MYH11: variants seen among roughly 807,000 people sequenced by gnomAD.
MYH11 encodes the protein myosin heavy chain 11.
MYH11 carries 80 observed loss-of-function variants against 246.6 expected under a neutral mutation model. The observed-to-expected ratio is 0.32, with a 90% CI of 0.27 to 0.39. MYH11 has a LOEUF of 0.39. Among genes scored for constraint, MYH11 ranks in the 10% least tolerant of loss-of-function variants. The probability of loss-of-function intolerance (pLI) is 1.00; values close to 1 mark genes in which losing one functional copy is unlikely to be tolerated. For missense variants in MYH11, 2,158 were observed against 2,546.8 expected (o/e 0.85, Z 3.29); for synonymous variants, 1,071 against 1,015.5 (o/e 1.05, Z -1.04).
intron 3 of MYH11, among the ~76,000 whole-genome samples, chr16:15,822,141 C>T (rs1378645358): frequency 6.6e-6 from 1 of 152,118 alleles, no homozygotes; most frequent in East Asian, 1.9e-4. Context: ...ATCTTGGGGG[C>T]GGGGTCGTGG....
At chr16:15,838,361 C>A in intron 1 of MYH11, 92 bp from the exon 2 acceptor site, 1 of 985,874 alleles carries the variant, frequency 1.0e-6, no homozygotes, top group South Asian at 1.3e-5. Context: ...GGAACTCGGT[C>A]TGCAGAGACA....
chr16:15,745,760 G>A (rs1014706603), intron 19 of MYH11, among the ~76,000 whole-genome samples: 1 of 151,738 alleles, frequency 6.6e-6, no homozygotes. Flanking sequence ...GCTAATTTTT[G>A]TATTTTTAGT....
chr16:15,774,951 A>G (rs1276585249), intron 8 of MYH11, among the ~76,000 whole-genome samples: 1 of 152,200 alleles, frequency 6.6e-6, no homozygotes, highest in African/African-American at 2.4e-5. Flanking sequence ...ACACTCCGAC[A>G]CAGCGAAGTT....
chr16:15,763,927 G>A (rs2041925437), intron 9 of MYH11, 36 bp from the exon 10 acceptor site: 2 of 1,549,366 alleles, frequency 1.3e-6, no homozygotes, highest in Non-Finnish European at 1.8e-6. Context: ...CAGACACAAA[G>A]GTCAATGCCA....
rs1256840634 is a variant in MYH11 at position 15,703,836 on chromosome 16, G to T, written c.*155C>A. 3.0e-6 allele frequency: 3 copies of T among 987,846 alleles called. No homozygotes were observed. The highest frequency in any genetic ancestry group is 4.8e-6 in the Non-Finnish European group (3 of 629,700). 61.2% of individuals were successfully genotyped at this position (987,846 alleles called of 1,614,324 possible). ...TGGTTTTTATATTCCTTGTGTGAGG[G>T]GTGTCTGTGATATTTGGAATTTGAG... is the stretch of plus-strand genomic sequence containing the variant. On this transcript the variant is annotated 3_prime_UTR_variant, in exon 41 of 41. Transcript: ENST00000300036.
Position 15,747,588 on chromosome 16 carries a change from C to G in MYH11, c.2393G>C (p.Arg798Pro). 6.2e-7 allele frequency: 1 copy of G among 1,614,080 alleles called. No homozygotes were observed. Among genetic ancestry groups the G allele is most frequent in the Non-Finnish European group, 8.5e-7 (1 of 1,180,008 alleles). Reference protein sequence around the residue: ...DVIMAFQAMCRGYLARKAFAK... With the variant: ...DVIMAFQAMCPGYLARKAFAK... The stretch of plus-strand genomic sequence containing the variant: ...TCTTTACTTTCTGGCCAAGTAGCCA[C>G]GACACATCGCCTGGAAGGCCATGAT... Residue 798 changes from arginine (R) to proline (P), a missense_variant, in exon 19 of 41, where the codon CGT (arginine) becomes CCT (proline). This residue lies in a region of MYH11 where 90 missense variants were observed against 144.2 expected (regional missense o/e 0.62). Coordinates refer to ENST00000300036, the MANE Select transcript of MYH11 (RefSeq NM_002474.3).
intron 2 of MYH11, 106 bp downstream of exon 2, chr16:15,837,802 T>C: frequency 4.8e-6 from 5 of 1,051,494 alleles, no homozygotes; most frequent in Non-Finnish European, 5.9e-6. Context: ...CCCAAAGTGC[T>C]GGGAGTACAG....
chr16:15,777,163 C>T (rs2042241851), intron 7 of MYH11, among the ~76,000 whole-genome samples: 1 of 152,138 alleles, frequency 6.6e-6, no homozygotes, highest in South Asian at 2.1e-4. Context: ...CGCTCTGTCA[C>T]CCAGGCTGGA....
At chr16:15,751,455 G>A (rs917640485) in intron 15 of MYH11, among the ~76,000 whole-genome samples, 46 of 150,148 alleles carry the variant, frequency 3.1e-4, no homozygotes, top group Non-Finnish European at 5.3e-4. Flanking sequence ...GAGCTACCGC[G>A]CCCGGCCATC....
chr16:15,703,254 A>C lies in MYH11; in HGVS notation c.*737T>G, dbSNP rs1450278156. ...TCTCCTTTTCAATTCATGTGACTAC[A>C]GAAGGCACTTGGTGAACTGTGCGTG... On this transcript the variant is annotated 3_prime_UTR_variant, in exon 41 of 41. Transcript: ENST00000300036. The C allele has an allele frequency of 4.6e-6, 1 of 218,020 alleles. No individual in the cohort carries two copies. Among genetic ancestry groups the C allele is most frequent in the Non-Finnish European group, 9.2e-6 (1 of 108,474 alleles). 13.5% of individuals were successfully genotyped at this position (218,020 alleles called of 1,614,324 possible). A position where few individuals can be genotyped will look rare whatever the true frequency, so the allele number is the denominator to read the frequency against.
intron 26 of MYH11, among the ~76,000 whole-genome samples, chr16:15,733,883 G>A (rs2041040001): frequency 6.6e-6 from 1 of 152,196 alleles, no homozygotes. Flanking sequence ...AAGCGGCAAG[G>A]GAGCAGAACG....
intron 11 of MYH11, 120 bp from the exon 12 acceptor site, chr16:15,759,848 GCAC>G: frequency 7.5e-7 from 1 of 1,329,154 alleles, no homozygotes. Flanking sequence ...TGTAATCCCA[GCAC>G]TTTGGGAGGC....
At chr16:15,773,974 A>G (rs1226263460) in intron 8 of MYH11, among the ~76,000 whole-genome samples, 1 of 152,026 alleles carries the variant, frequency 6.6e-6, no homozygotes, top group East Asian at 1.9e-4. Context: ...ATACCCTCCA[A>G]TACATCAAGG....
At chr16:15,710,531 TAAAA>T (rs773294124) in intron 40 of MYH11, among the ~76,000 whole-genome samples, 5 of 151,232 alleles carry the variant, frequency 3.3e-5, no homozygotes, top group Admixed American at 2.0e-4. Flanking sequence ...AAATAAATAA[TAAAA>T]AGAAAAGAAA....
intron 1 of MYH11, 47 bp from the exon 2 acceptor site, chr16:15,838,316 G>T: frequency 6.6e-7 from 1 of 1,516,048 alleles, no homozygotes; most frequent in Non-Finnish European, 9.1e-7. Flanking sequence ...AACCAAGCCC[G>T]GAAGACAGAC....
intron 22 of MYH11, 74 bp from the exon 23 acceptor site, chr16:15,740,262 G>C: frequency 6.2e-7 from 1 of 1,604,894 alleles, no homozygotes; most frequent in Non-Finnish European, 8.5e-7. Flanking sequence ...GGGGACTAAT[G>C]AATACAGGGG....
intron 22 of MYH11, among the ~76,000 whole-genome samples, chr16:15,740,622 A>T (rs111847115): frequency 4.9e-4 from 74 of 151,982 alleles, no homozygotes; most frequent in African/African-American, 1.5e-3. Flanking sequence ...AAAAAAAAAA[A>T]AAAATAAAGA....
At chr16:15,708,166 T>C (rs903117038) in intron 40 of MYH11, among the ~76,000 whole-genome samples, 1 of 152,092 alleles carries the variant, frequency 6.6e-6, no homozygotes, top group African/African-American at 2.4e-5. Context: ...GTGCTGAAAA[T>C]GCAGTTTGTA....
At position 15,720,329 on chromosome 16, in the gene MYH11, G is replaced by A; in HGVS notation, c.4792-17C>T. 1.9e-6 allele frequency: 3 copies of A among 1,611,548 alleles called. No homozygotes were observed. The highest frequency in any genetic ancestry group is 1.3e-5 in the African/African-American group (1 of 74,998). On this transcript the variant is annotated splice_polypyrimidine_tract_variant and intron_variant, in intron 33 of 40. Coordinates refer to ENST00000300036, the MANE Select transcript of MYH11 (RefSeq NM_002474.3). ...CTCGTGAAGCTGGGCGAGGAATAGA[G>A]ATGTGTGCTGCCCCACTTGCCCCTG...
Sources: allele counts gnomAD v4.1 joint callset (sites outside exome capture counted in the v4.1 genomes callset), GRCh38; gene constraint gnomAD v4.1.1; regional missense constraint gnomAD v4.1.1; transcripts MANE v1.5; gene names NCBI Gene and HGNC (gene_info 2026-07-23, HGNC 2026-07-21).